Variants in LSM14A observed in about 807,000 individuals in gnomAD.
LSM14A encodes the protein protein LSM14 homolog A.
In LSM14A, 14 loss-of-function variants were observed where a neutral mutation model predicts 52.4. That is an observed-to-expected ratio of 0.27 (90% CI 0.18 to 0.42). LSM14A has a LOEUF of 0.42. Among genes scored for constraint, LSM14A ranks in the 10% least tolerant of loss-of-function variants. LSM14A has a pLI of 1.00. For synonymous variants in LSM14A, 185 were observed against 200.3 expected (o/e 0.92, Z 0.64); for missense variants, 417 against 581.8 (o/e 0.72, Z 2.91).
intron 1 of LSM14A, among the ~76,000 whole-genome samples, chr19:34,178,240 C>G (rs760075880): frequency 6.6e-6 from 1 of 151,980 alleles, no homozygotes; most frequent in Non-Finnish European, 1.5e-5. Context: ...AGTTATCACA[C>G]CACATAATCA....
chr19:34,221,930 T>G (rs2073091535), intron 9 of LSM14A, 192 bp downstream of exon 9: 33 of 761,660 alleles, frequency 4.3e-5, no homozygotes, highest in Non-Finnish European at 5.3e-5. Flanking sequence ...GACAGTATAG[T>G]ATCACCTTTA....
At chr19:34,191,453 C>G (rs2070379958) in intron 1 of LSM14A, among the ~76,000 whole-genome samples, 1 of 152,030 alleles carries the variant, frequency 6.6e-6, no homozygotes, top group Non-Finnish European at 1.5e-5. Flanking sequence ...TTCTTCTTTA[C>G]TGCCTTTTTT....
At chr19:34,175,236 T>C (rs1439902731) in intron 1 of LSM14A, among the ~76,000 whole-genome samples, 1 of 151,966 alleles carries the variant, frequency 6.6e-6, no homozygotes, top group African/African-American at 2.4e-5. Context: ...TTTTCTTTTT[T>C]TTTTTTCTTT....
At chr19:34,212,905 AAAG>A (rs1158586825) in intron 4 of LSM14A, among the ~76,000 whole-genome samples, 1 of 152,228 alleles carries the variant, frequency 6.6e-6, no homozygotes, top group Non-Finnish European at 1.5e-5. Flanking sequence ...AAGCCTTGAT[AAAG>A]AAGTTTTATA....
At chr19:34,186,784 A>G (rs974829390) in intron 1 of LSM14A, among the ~76,000 whole-genome samples, 1 of 152,176 alleles carries the variant, frequency 6.6e-6, no homozygotes, top group East Asian at 1.9e-4. Flanking sequence ...ATCTTATTCT[A>G]AGTTTTCATT....
Position 34,215,204 on chromosome 19 carries a change from C to T in LSM14A, c.619C>T (p.Pro207Ser). ...AGTGCAGACCGCCTCAGCCCACTTA[C>T]CTGCTCCAGCAGCTGTTGGGAGAAG... ...QAVQTASAHL[P>S]APAAVGRRSP... is the part of the protein sequence containing the mutation. Residue 207 changes from proline to serine, a missense_variant, in exon 5 of 10, where the codon CCT becomes TCT. Physicochemically the swap from Pro to Ser is moderately conservative, Grantham distance 74. Transcript: ENST00000544216. 1 of 1,614,202 alleles carries T rather than the reference C, an allele frequency of 6.2e-7. No individual in the cohort carries two copies. Among genetic ancestry groups the T allele is most frequent in the Non-Finnish European group, 8.5e-7 (1 of 1,180,034 alleles).
chr19:34,174,404 C>T (rs954520804), intron 1 of LSM14A, among the ~76,000 whole-genome samples: 9 of 152,238 alleles, frequency 5.9e-5, no homozygotes, highest in Non-Finnish European at 1.0e-4. Context: ...TTGAATTATA[C>T]ACTTTTTAAA....
intron 1 of LSM14A, among the ~76,000 whole-genome samples, chr19:34,192,315 T>TG (rs1555767826): frequency 2.4e-5 from 2 of 84,324 alleles, no homozygotes; most frequent in South Asian, 4.7e-4. Context: ...ACATTCTTTT[T>TG]GTTGTTTTTT....
chr19:34,215,887 C>T (rs557234543), intron 6 of LSM14A, among the ~76,000 whole-genome samples: 35 of 152,114 alleles, frequency 2.3e-4, no homozygotes, highest in Non-Finnish European at 3.1e-4. Context: ...TGCATAAAGA[C>T]ATACCAAAAA....
chr19:34,186,318 G>A (rs542524138), intron 1 of LSM14A, among the ~76,000 whole-genome samples: 68 of 152,310 alleles, frequency 4.5e-4, no homozygotes, highest in African/African-American at 1.6e-3. Flanking sequence ...CTAGATATTT[G>A]ATCAAATATT....
At chr19:34,226,375 C>CTTT (rs528137318) in intron 9 of LSM14A, 1,673 of 1,194,066 alleles carry the variant, frequency 1.4e-3, no homozygotes, top group South Asian at 2.4e-3. Context: ...ATCTCTTTCT[C>CTTT]TTTTTTTTTT....
chr19:34,181,258 G>GTTATTTCTTCTACC (rs2069460851), intron 1 of LSM14A, among the ~76,000 whole-genome samples: 1 of 152,086 alleles, frequency 6.6e-6, no homozygotes, highest in African/African-American at 2.4e-5. Context: ...CAGATAGGCA[G>GTTATTTCTTCTACC]TTATTTCTTC....
At position 34,181,442 on chromosome 19, in the gene LSM14A, T is replaced by C. The variant is rs528241398; in HGVS notation, c.121+8679T>C. The stretch of plus-strand genomic sequence containing the variant: ...TTACTAAGGTTTTTATTCCTACATA[T>C]GAAGTTTTCTTATCAAAATTACCAA... On this transcript the variant is annotated intron_variant, in intron 1 of 9. Transcript: ENST00000544216. Among the ~76,000 whole-genome samples the C allele has an allele frequency of 4.6e-5, 7 of 152,392 alleles. No homozygotes were observed. In the South Asian group the frequency reaches 8.3e-4, roughly 18 times the overall value.
At chr19:34,215,443 G>C in intron 5 of LSM14A, 143 bp downstream of exon 5, 2 of 1,130,274 alleles carry the variant, frequency 1.8e-6, no homozygotes, top group Non-Finnish European at 2.5e-6. Flanking sequence ...TTTCAAATTT[G>C]ACTCAAAGTG....
At chr19:34,206,186 A>G (rs752076533) in intron 3 of LSM14A, among the ~76,000 whole-genome samples, 1 of 152,224 alleles carries the variant, frequency 6.6e-6, no homozygotes, top group Non-Finnish European at 1.5e-5. Context: ...TTTAGGGAAG[A>G]AATAATTTTC....
chr19:34,190,628 CCT>C (rs760674717), intron 1 of LSM14A, among the ~76,000 whole-genome samples: 6 of 150,168 alleles, frequency 4.0e-5, no homozygotes, highest in South Asian at 4.2e-4. Context: ...TGTTGAGTTT[CCT>C]CTCTCTCCAT....
At chr19:34,202,079 A>G (rs1305684520) in intron 3 of LSM14A, among the ~76,000 whole-genome samples, 1 of 149,064 alleles carries the variant, frequency 6.7e-6, no homozygotes, top group Non-Finnish European at 1.5e-5. Context: ...CCGCCTCCCA[A>G]AGTGTTGGGA....
chr19:34,196,784 CT>C (rs769857053), intron 3 of LSM14A, 21 bp downstream of exon 3: 1 of 1,581,270 alleles, frequency 6.3e-7, no homozygotes, highest in South Asian at 1.2e-5. Context: ...TTTTTCTTTT[CT>C]TTTTTTGTTT....
At position 34,176,935 on chromosome 19, in the gene LSM14A, G is replaced by A. The variant is rs144508018; in HGVS notation, c.121+4172G>A. On this transcript the variant is annotated intron_variant, in intron 1 of 9. Transcript: ENST00000544216. ...TGTTTCATATCCCTTACCAACAACC[G>A]TACGTGGTATCATATATTTCAATTC... 7.0e-3 allele frequency among the ~76,000 whole-genome samples: 1,070 copies of A among 152,294 alleles called. 11 individuals carry two copies. Among genetic ancestry groups the A allele is most frequent in the Middle Eastern group, 0.017 (5 of 294 alleles).
Sources: allele counts gnomAD v4.1 joint callset (sites outside exome capture counted in the v4.1 genomes callset), GRCh38; gene constraint gnomAD v4.1.1; transcripts MANE v1.5; gene names NCBI Gene and HGNC (gene_info 2026-07-23, HGNC 2026-07-21).